The following DYNC2H1 variants were observed in gnomAD, a reference collection of about 807,000 sequenced individuals.
DYNC2H1 encodes cytoplasmic dynein 2 heavy chain 1.
DYNC2H1 carries 410 observed loss-of-function variants against 570.0 expected under a neutral mutation model. That is an observed-to-expected ratio of 0.72 (90% CI 0.66 to 0.78). The LOEUF is 0.78. Among genes scored for constraint, DYNC2H1 ranks in the 30% least tolerant of loss-of-function variants. The pLI is 0.00. For synonymous variants in DYNC2H1, 1,688 were observed against 1,677.6 expected (o/e 1.01, Z -0.15); for missense variants, 4,865 against 5,046.4 (o/e 0.96, Z 1.09).
Position 103,465,289 on chromosome 11 carries a change from G to C in DYNC2H1, c.12649-3300G>C, listed in dbSNP as rs989929784. 1.3e-5 allele frequency among the ~76,000 whole-genome samples: 2 copies of C among 152,108 alleles called. No homozygotes were observed. The highest frequency in any genetic ancestry group is 1.5e-5 in the Non-Finnish European group (1 of 68,032). On this transcript the variant is annotated intron_variant, in intron 87 of 88. Transcript: ENST00000375735. The surrounding 1 kb of genome is among the most constrained non-coding windows in gnomAD (Gnocchi z 4.9). Reference sequence around the variant, plus strand: ...ACTTAAAGATATACATTTCAGTCGTGATCACGCAGATAATTTGAGAAGTGG... The same window carrying C: ...ACTTAAAGATATACATTTCAGTCGTCATCACGCAGATAATTTGAGAAGTGG...
chr11:103,453,104 T>C (rs1944664664), intron 85 of DYNC2H1, among the ~76,000 whole-genome samples: 1 of 147,224 alleles, frequency 6.8e-6, no homozygotes, highest in Non-Finnish European at 1.5e-5. Flanking sequence ...ATCCGTTATA[T>C]GCCATTTGAA....
chr11:103,181,842 A>G lies in DYNC2H1; in HGVS notation c.6433A>G (p.Ile2145Val). Reference protein sequence around the residue: ...AEYRNNLENWIGDYFEKALQW... With the variant: ...AEYRNNLENWVGDYFEKALQW... Reference sequence around the variant, plus strand: ...ATATAGAAATAATCTTGAAAATTGGATTGGAGATTATTTTGAAAAGGCTTT... The same window carrying G: ...ATATAGAAATAATCTTGAAAATTGGGTTGGAGATTATTTTGAAAAGGCTTT... Residue 2145 changes from isoleucine (I) to valine (V), a missense_variant, in exon 40 of 89, where the codon ATT becomes GTT. This residue lies in a region of DYNC2H1 where 231 missense variants were observed against 310.3 expected (regional missense o/e 0.74). Transcript: ENST00000375735. The surrounding 1 kb of genome is among the most constrained non-coding windows in gnomAD (Gnocchi z 5.0). The G allele has an allele frequency of 6.2e-7, 1 of 1,602,138 alleles. No homozygotes were observed. Among genetic ancestry groups the G allele is most frequent in the Non-Finnish European group, 8.5e-7 (1 of 1,173,284 alleles).
chr11:103,234,435 C>A lies in DYNC2H1; in HGVS notation c.9567+275C>A, dbSNP rs11225612. 0.11 allele frequency among the ~76,000 whole-genome samples: 16,356 copies of A among 151,798 alleles called. 1,022 individuals carry two copies. The highest frequency in any genetic ancestry group is 0.22 in the East Asian group (1,110 of 5,156). On this transcript the variant is annotated intron_variant, in intron 61 of 88. Transcript: ENST00000375735. ...ATGGGTGGATGGAAAACTTAGTACT[C>A]CTTAGAATTTTCTTTGAATTTACCT...
At chr11:103,315,394 T>A (rs537361668) in intron 79 of DYNC2H1, among the ~76,000 whole-genome samples, 6 of 152,234 alleles carry the variant, frequency 3.9e-5, no homozygotes, top group Non-Finnish European at 8.8e-5. Flanking sequence ...TAAGCTTTTG[T>A]TTGGTGATCT....
rs111743709 is a variant in DYNC2H1 at position 103,127,378 on chromosome 11, T to C, written c.1858-1532T>C. Among the ~76,000 whole-genome samples, 1,075 of 152,260 alleles carry C rather than the reference T, an allele frequency of 7.1e-3. 9 individuals carry two copies. The highest frequency in any genetic ancestry group is 0.024 in the African/African-American group (1,014 of 41,538). On this transcript the variant is annotated intron_variant, in intron 12 of 88. Transcript: ENST00000375735. ...AGGGTGTATAAAGCAGAATGTTGGA[T>C]AGATAGCAGTATGGCTAGATTGTAA...
chr11:103,314,614 A>T (rs1440718145), intron 79 of DYNC2H1, among the ~76,000 whole-genome samples: 2 of 152,032 alleles, frequency 1.3e-5, no homozygotes, highest in Non-Finnish European at 2.9e-5. Context: ...CCAAATTGTT[A>T]TCCATAGGGG....
chr11:103,418,607 G>A (rs1487808526), intron 84 of DYNC2H1, among the ~76,000 whole-genome samples: 1 of 151,966 alleles, frequency 6.6e-6, no homozygotes, highest in African/African-American at 2.4e-5. Context: ...AGGAATGAAA[G>A]GGCAAGTGAA....
rs550043106 is a variant in DYNC2H1 at position 103,252,395 on chromosome 11, G to A, written c.10043-890G>A. ...CAGAAAAAAGATTGCTGGGTCATATGGTAGTTCTGTTTTTAATTTCTTTAG... is the reference window on the plus strand; with the variant it reads ...CAGAAAAAAGATTGCTGGGTCATATAGTAGTTCTGTTTTTAATTTCTTTAG... On this transcript the variant is annotated intron_variant, in intron 65 of 88. Transcript: ENST00000375735. The surrounding 1 kb of genome is among the most constrained non-coding windows in gnomAD (Gnocchi z 4.6). Among the ~76,000 whole-genome samples the A allele has an allele frequency of 1.2e-4, 19 of 152,100 alleles. No individual in the cohort carries two copies. The highest frequency in any genetic ancestry group is 4.3e-4 in the African/African-American group (18 of 41,504).
chr11:103,456,194 T>C, intron 86 of DYNC2H1, 81 bp from the exon 87 acceptor site: 1 of 1,009,126 alleles, frequency 9.9e-7, no homozygotes, highest in South Asian at 2.0e-5. Flanking sequence ...TTTAAATAAA[T>C]AGGACTATAT....
Position 103,152,685 on chromosome 11 carries a change from T to C in DYNC2H1, c.3096+400T>C, listed in dbSNP as rs139318257. Among the ~76,000 whole-genome samples the C allele has an allele frequency of 4.9e-4, 74 of 152,340 alleles. No homozygotes were observed. The East Asian group carries it at 0.013, about 27-fold the overall frequency. On this transcript the variant is annotated intron_variant, in intron 21 of 88. Transcript: ENST00000375735. Reference sequence around the variant, plus strand: ...TGTCTCACATTAGACTATAAGCTGCTATGGTGCCTCTGCTTCATAACTTTG... The same window carrying C: ...TGTCTCACATTAGACTATAAGCTGCCATGGTGCCTCTGCTTCATAACTTTG...
At chr11:103,391,810 C>T (rs577541619) in intron 83 of DYNC2H1, among the ~76,000 whole-genome samples, 1 of 152,338 alleles carries the variant, frequency 6.6e-6, no homozygotes, top group South Asian at 2.1e-4. Context: ...TTTAGAACAG[C>T]CAATATTGCT....
In DYNC2H1 at chr11:103,170,434, G is replaced by A; in HGVS notation, c.5151+144G>A. The stretch of plus-strand genomic sequence containing the variant: ...ATTTGTTTAAATTGAAATGTAAAAT[G>A]GACAGAGGTTGTACGTAGTATAGTC... On this transcript the variant is annotated intron_variant, in intron 33 of 88. Transcript: ENST00000375735. The surrounding 1 kb of genome is among the most constrained non-coding windows in gnomAD (Gnocchi z 4.8). 1 of 889,438 alleles carries A rather than the reference G, an allele frequency of 1.1e-6. No homozygotes were observed. 55.1% of individuals were successfully genotyped at this position (889,438 alleles called of 1,614,324 possible). A position where few individuals can be genotyped will look rare whatever the true frequency, so the allele number is the denominator to read the frequency against.
At chr11:103,306,166 G>A (rs571705846) in intron 77 of DYNC2H1, among the ~76,000 whole-genome samples, 135 of 152,306 alleles carry the variant, frequency 8.9e-4, no homozygotes, top group Non-Finnish European at 1.2e-3. Flanking sequence ...GCCTGCCTCA[G>A]CTTCCCAAAG....
intron 83 of DYNC2H1, among the ~76,000 whole-genome samples, chr11:103,385,984 A>T (rs979047627): frequency 2.0e-5 from 3 of 152,212 alleles, no homozygotes; most frequent in African/African-American, 7.2e-5. Context: ...CTATGAGAGA[A>T]TTAATAAGCA....
rs1215165244 is a variant in DYNC2H1 at position 103,129,165 on chromosome 11, A to G, written c.1953+160A>G. 6.6e-6 allele frequency among the ~76,000 whole-genome samples: 1 copy of G among 152,170 alleles called. No individual in the cohort carries two copies. Among genetic ancestry groups the G allele is most frequent in the East Asian group, 1.9e-4 (1 of 5,202 alleles). On this transcript the variant is annotated intron_variant, in intron 13 of 88. Transcript: ENST00000375735. The surrounding 1 kb of genome is among the most constrained non-coding windows in gnomAD (Gnocchi z 4.1). ...CTTAGCAAGTAAAATTATTTTTTCT[A>G]ACTGTAGGTTTAAGTGGTTAGAATA...
chr11:103,451,940 C>A (rs148406654), intron 85 of DYNC2H1, among the ~76,000 whole-genome samples: 227 of 152,048 alleles, frequency 1.5e-3, no homozygotes, highest in African/African-American at 5.2e-3. Context: ...GATATAAAAT[C>A]TTGTATAATA....
chr11:103,265,835 G>GT (rs1177042010), intron 70 of DYNC2H1, among the ~76,000 whole-genome samples: 2 of 152,062 alleles, frequency 1.3e-5, no homozygotes, highest in African/African-American at 2.4e-5. Context: ...CCTTTCGATG[G>GT]TTTTTTTGTT....
intron 88 of DYNC2H1, among the ~76,000 whole-genome samples, chr11:103,477,796 AC>A (rs1389400785): frequency 7.6e-6 from 1 of 131,058 alleles, no homozygotes; most frequent in Non-Finnish European, 1.6e-5. Flanking sequence ...ACGCCACTGC[AC>A]TCCAGCCGGG....
Position 103,109,524 on chromosome 11 carries a change from G to C in DYNC2H1, c.-51G>C. ...TCTTCCCTTCACTTCCCTCCGGACT[G>C]GTTTCTTCTTCCTTCCCCCTTCCCC... On this transcript the variant is annotated 5_prime_UTR_variant, in exon 1 of 89. Transcript: ENST00000375735. 1 of 1,545,256 alleles carries C rather than the reference G, an allele frequency of 6.5e-7. No homozygotes were observed. The highest frequency in any genetic ancestry group is 8.8e-7 in the Non-Finnish European group (1 of 1,130,132).
Sources: allele counts gnomAD v4.1 joint callset (sites outside exome capture counted in the v4.1 genomes callset), GRCh38; gene constraint gnomAD v4.1.1; regional missense constraint gnomAD v4.1.1; non-coding constraint Gnocchi (gnomAD v3.1); transcripts MANE v1.5; gene names NCBI Gene and HGNC (gene_info 2026-07-23, HGNC 2026-07-21).